The following ERN1 variants were observed in gnomAD, a reference collection of about 807,000 sequenced individuals.
ERN1 encodes the protein endoplasmic reticulum to nucleus signaling 1.
ERN1 carries 39 observed loss-of-function variants against 113.1 expected under a neutral mutation model. The observed-to-expected ratio is 0.34, with a 90% CI of 0.27 to 0.45. The LOEUF (loss-of-function observed/expected upper bound fraction) is 0.45, where lower values mean the gene tolerates loss of function less well. ERN1 is among the 20% of genes least tolerant of loss of function. The pLI is 1.00. For missense variants in ERN1, 976 were observed against 1,274.8 expected (o/e 0.77, Z 3.57); for synonymous variants, 507 against 515.9 (o/e 0.98, Z 0.23).
At chr17:64,126,229 T>C (rs779293408) in intron 1 of ERN1, among the ~76,000 whole-genome samples, 1 of 152,218 alleles carries the variant, frequency 6.6e-6, no homozygotes, top group Non-Finnish European at 1.5e-5. Context: ...AAAAACTGAA[T>C]CCATTAAGAT....
intron 17 of ERN1, 81 bp downstream of exon 17, chr17:64,052,699 A>G: frequency 7.5e-7 from 1 of 1,338,048 alleles, no homozygotes; most frequent in Admixed American, 2.3e-5. Context: ...CAGCCCCCAA[A>G]CCTGGAATTT....
At position 64,098,245 on chromosome 17, in the gene ERN1, C is replaced by T. The variant is rs1457433138; in HGVS notation, c.55-4G>A. On this transcript the variant is annotated splice_polypyrimidine_tract_variant and splice_region_variant and intron_variant, in intron 1 of 21. Transcript: ENST00000433197. The stretch of plus-strand genomic sequence containing the variant: ...CTGTGCTGGTACTTCCAAAAATCTG[C>T]AACGAGATGTAGAAGACTCTTAATG... 1.9e-6 allele frequency: 3 copies of T among 1,613,870 alleles called. No individual in the cohort carries two copies. The highest frequency in any genetic ancestry group is 3.3e-5 in the Admixed American group (2 of 60,016).
In ERN1 at chr17:64,080,803, C is replaced by A; in HGVS notation, c.181G>T (p.Val61Phe). 1 of 1,610,478 alleles carries A rather than the reference C, an allele frequency of 6.2e-7. No individual in the cohort carries two copies. Among genetic ancestry groups the A allele is most frequent in the Non-Finnish European group, 8.5e-7 (1 of 1,178,252 alleles). The change falls in exon 3 of 22, where the codon GTC (valine) becomes TTC (phenylalanine). Residue 61 changes from valine to phenylalanine, a missense_variant. Coordinates refer to ENST00000433197, the MANE Select transcript of ERN1 (RefSeq NM_001433.5). ...TCCACATGTGTTGGGACCTGCAGGA[C>A]TGGATCTGTGCAAAAGAACAACAAA... ...SIKWTLKEDP[V>F]LQVPTHVEEP...
At chr17:64,124,960 G>A (rs546040954) in intron 1 of ERN1, among the ~76,000 whole-genome samples, 1 of 152,290 alleles carries the variant, frequency 6.6e-6, no homozygotes, top group Admixed American at 6.5e-5. Context: ...TGGTTGCCAA[G>A]GACTAGGAGG....
intron 19 of ERN1, among the ~76,000 whole-genome samples, chr17:64,045,934 T>C (rs1415309575): frequency 2.0e-5 from 3 of 152,128 alleles, no homozygotes; most frequent in African/African-American, 7.2e-5. Flanking sequence ...CCTCCACCAG[T>C]AGAAAAGACC....
chr17:64,089,344 A>AAAG, intron 2 of ERN1, among the ~76,000 whole-genome samples: 1 of 150,308 alleles, frequency 6.7e-6, no homozygotes, highest in Non-Finnish European at 1.5e-5. Flanking sequence ...AAAAAAAAAA[A>AAAG]AGAGGAACGT....
Position 64,042,973 on chromosome 17 carries a change from C to T in ERN1, c.*1015G>A, listed in dbSNP as rs1912386149. ...GCCAAGAAAAACAAAAAAGCTGGCC[C>T]ATGAAGCACACGGTGACCCTGGCCT... is the stretch of plus-strand genomic sequence containing the variant. On this transcript the variant is annotated 3_prime_UTR_variant, in exon 22 of 22. Transcript: ENST00000433197. 1 of 152,356 alleles carries T rather than the reference C, an allele frequency of 6.6e-6. No homozygotes were observed. The highest frequency in any genetic ancestry group is 6.5e-5 in the Admixed American group (1 of 15,288). 9.4% of individuals were successfully genotyped at this position (152,356 alleles called of 1,614,324 possible). A position where few individuals can be genotyped will look rare whatever the true frequency, so the allele number is the denominator to read the frequency against.
chr17:64,068,765 T>C (rs1313771054), intron 6 of ERN1, among the ~76,000 whole-genome samples: 2 of 152,122 alleles, frequency 1.3e-5, no homozygotes, highest in African/African-American at 4.8e-5. Flanking sequence ...GGCACTGCTA[T>C]TGAAAATGGA....
chr17:64,086,637 CTTTTTTT>C (rs773655917), intron 2 of ERN1, among the ~76,000 whole-genome samples: 12 of 47,592 alleles, frequency 2.5e-4, no homozygotes, highest in East Asian at 1.4e-3. Context: ...CTTTTCTTTC[CTTTTTTT>C]TTTTTTTTTT....
In ERN1 at chr17:64,054,394, G is replaced by A. The variant is rs1366872625; in HGVS notation, c.1809C>T (p.Pro603=). 9 of 1,595,474 alleles carry A rather than the reference G, an allele frequency of 5.6e-6. No individual in the cohort carries two copies. Among genetic ancestry groups the A allele is most frequent in the African/African-American group, 1.3e-5 (1 of 74,540 alleles). The change falls in exon 15 of 22, where the codon CCC becomes CCT. Residue 603 remains proline, a synonymous_variant. Transcript: ENST00000433197. The surrounding 1 kb of genome is among the most constrained non-coding windows in gnomAD (Gnocchi z 4.9). ...NRDVAVKRIL[P]ECFSFADREV... is the part of the protein sequence containing the mutation. ...CACGGTCTGCGAAGCTAAAACACTC[G>A]GGGAGGATCCTCTTCACGGCCACGT... is the stretch of plus-strand genomic sequence containing the variant.
intron 17 of ERN1, 50 bp downstream of exon 17, chr17:64,052,730 T>C: frequency 4.5e-6 from 7 of 1,549,494 alleles, no homozygotes; most frequent in Non-Finnish European, 6.2e-6. Context: ...CTCCTGAAGA[T>C]ACAATGGGCT....
chr17:64,096,820 A>C (rs991774038), intron 2 of ERN1, among the ~76,000 whole-genome samples: 2 of 152,242 alleles, frequency 1.3e-5, no homozygotes, highest in Non-Finnish European at 2.9e-5. Flanking sequence ...CTTGGAAAAA[A>C]CCAACTTAAA....
At chr17:64,106,628 C>A (rs972487262) in intron 1 of ERN1, among the ~76,000 whole-genome samples, 1 of 150,404 alleles carries the variant, frequency 6.6e-6, no homozygotes, top group South Asian at 2.1e-4. Context: ...CGGCTGAAAG[C>A]CACAGGATGG....
intron 17 of ERN1, among the ~76,000 whole-genome samples, chr17:64,050,834 G>A (rs775499135): frequency 1.3e-4 from 20 of 152,178 alleles, no homozygotes; most frequent in Middle Eastern, 3.2e-3. Context: ...ATTCTTCGCT[G>A]TAACTGACTT....
chr17:64,097,843 A>T (rs533678510), intron 2 of ERN1: 1 of 351,120 alleles, frequency 2.8e-6, no homozygotes, highest in Non-Finnish European at 5.2e-6. Context: ...AGCTAGAGCT[A>T]TTAATAGAAA....
intron 1 of ERN1, among the ~76,000 whole-genome samples, chr17:64,116,186 A>T (rs574116066): frequency 3.3e-5 from 5 of 152,186 alleles, no homozygotes; most frequent in African/African-American, 7.2e-5. Context: ...CCTACTATAG[A>T]CTCTAAAAGC....
intron 11 of ERN1, among the ~76,000 whole-genome samples, chr17:64,060,101 C>T (rs1913004872): frequency 6.6e-6 from 1 of 152,092 alleles, no homozygotes; most frequent in Non-Finnish European, 1.5e-5. Flanking sequence ...AGCCTCGGGT[C>T]TGGCCAGGCC....
At chr17:64,072,155 C>T (rs1913441382) in intron 5 of ERN1, 52 bp from the exon 6 acceptor site, 29 of 1,597,568 alleles carry the variant, frequency 1.8e-5, no homozygotes, top group East Asian at 6.7e-5. Context: ...AAAAAAGTAT[C>T]GCTGCCAAAC....
At position 64,043,789 on chromosome 17, in the gene ERN1, T is replaced by C; in HGVS notation, c.*199A>G. 2.1e-6 allele frequency: 1 copy of C among 477,180 alleles called. No individual in the cohort carries two copies. The highest frequency in any genetic ancestry group is 3.7e-6 in the Non-Finnish European group (1 of 269,972). 29.6% of individuals were successfully genotyped at this position (477,180 alleles called of 1,614,324 possible). On this transcript the variant is annotated 3_prime_UTR_variant, in exon 22 of 22. Transcript: ENST00000433197. The stretch of plus-strand genomic sequence containing the variant: ...CTTTTGGGGCCAGCATCTTCCCAGT[T>C]CCCTGTAGGTCACGAGGGGCCACTT...
Sources: allele counts gnomAD v4.1 joint callset (sites outside exome capture counted in the v4.1 genomes callset), GRCh38; gene constraint gnomAD v4.1.1; non-coding constraint Gnocchi (gnomAD v3.1); transcripts MANE v1.5; gene names NCBI Gene and HGNC (gene_info 2026-07-23, HGNC 2026-07-21).